The following FBXO11 variants were observed in gnomAD, a reference collection of about 807,000 sequenced individuals.
FBXO11 encodes F-box only protein 11.
FBXO11 carries 13 observed loss-of-function variants against 117.0 expected under a neutral mutation model. That is an observed-to-expected ratio of 0.11 (90% confidence interval 0.07 to 0.18). The LOEUF (loss-of-function observed/expected upper bound fraction) is 0.18. Among genes scored for constraint, FBXO11 ranks in the 10% least tolerant of loss-of-function variants. The pLI is 1.00. For synonymous variants in FBXO11, 490 were observed against 380.5 expected (o/e 1.29, Z -3.35); for missense variants, 767 against 1,164.4 (o/e 0.66, Z 4.97).
At position 47,883,368 on chromosome 2, in the gene FBXO11, C is replaced by A. The variant is rs541674549; in HGVS notation, c.232+22121G>T. The stretch of plus-strand genomic sequence containing the variant: ...GAGTGTGTGCTCTTCTGCTGCCCTG[C>A]GACCAGTGCCCTGTGCATTGCCTTC... On this transcript the variant is annotated intron_variant, in intron 1 of 22. Coordinates refer to ENST00000403359, the MANE Select transcript of FBXO11 (RefSeq NM_001190274.2). The A allele has an allele frequency of 6.4e-5, 15 of 235,164 alleles. No individual in the cohort carries two copies. The South Asian group carries it at 7.6e-4, about 12-fold the overall frequency. The allele number at this position is 235,164 out of a possible 1,614,324, so 14.6% of individuals were successfully genotyped here.
chr2:47,815,722 G>C (rs1251577855), intron 16 of FBXO11, among the ~76,000 whole-genome samples: 7 of 152,202 alleles, frequency 4.6e-5, no homozygotes, highest in Admixed American at 4.6e-4. Flanking sequence ...AATTCATAGA[G>C]TTCTTCAGCT....
Position 47,834,887 on chromosome 2 carries a change from CA to C in FBXO11, c.718-17del. On this transcript the variant is annotated splice_polypyrimidine_tract_variant and intron_variant, in intron 5 of 22. Transcript: ENST00000403359. ...CACCTTTATACTAAAATGTCAAAAACAAAACAAAACCATTGACTACTAACAT... is the reference window on the plus strand; with the variant it reads ...CACCTTTATACTAAAATGTCAAAAACAAACAAAACCATTGACTACTAACAT... 6.3e-7 allele frequency: 1 copy of C among 1,584,420 alleles called. No homozygotes were observed. The highest frequency in any genetic ancestry group is 1.4e-5 in the African/African-American group (1 of 73,970).
At chr2:47,840,707 G>C (rs942497149) in intron 1 of FBXO11, among the ~76,000 whole-genome samples, 1 of 151,452 alleles carries the variant, frequency 6.6e-6, no homozygotes, top group African/African-American at 2.4e-5. Context: ...TCCCACCTTG[G>C]CCTCCAAAGT....
At chr2:47,814,191 G>A (rs751462036) in intron 16 of FBXO11, 6 of 236,698 alleles carry the variant, frequency 2.5e-5, no homozygotes, top group Admixed American at 5.1e-5. Flanking sequence ...TGCAGGTTCC[G>A]TTCCAGACCA....
intron 1 of FBXO11, among the ~76,000 whole-genome samples, chr2:47,897,453 T>G (rs1206880434): frequency 1.3e-5 from 2 of 152,056 alleles, no homozygotes. Context: ...TCCCAGCATT[T>G]TGGGAGGCTT....
intron 1 of FBXO11, among the ~76,000 whole-genome samples, chr2:47,880,211 G>A (rs895129928): frequency 2.6e-5 from 4 of 152,032 alleles, no homozygotes; most frequent in Non-Finnish European, 5.9e-5. Context: ...CTGCCAGGCT[G>A]GTCTCAAACT....
chr2:47,857,821 C>T (rs1056337267), intron 1 of FBXO11, among the ~76,000 whole-genome samples: 3 of 152,126 alleles, frequency 2.0e-5, no homozygotes, highest in African/African-American at 7.2e-5. Flanking sequence ...TTTAGGCAAG[C>T]CTGTTTCTTA....
At chr2:47,859,835 C>A (rs1251569218) in intron 1 of FBXO11, among the ~76,000 whole-genome samples, 1 of 152,102 alleles carries the variant, frequency 6.6e-6, no homozygotes, top group African/African-American at 2.4e-5. Context: ...ATGAAATAGT[C>A]TATTTTTTTG....
At chr2:47,883,718 A>G (rs2103923586) in intron 1 of FBXO11, 2 of 267,208 alleles carry the variant, frequency 7.5e-6, no homozygotes, top group South Asian at 8.8e-5. Flanking sequence ...CCCAAGAAGA[A>G]TAAGCACGAG....
chr2:47,876,636 T>C (rs1025816551), intron 1 of FBXO11, among the ~76,000 whole-genome samples: 13 of 152,262 alleles, frequency 8.5e-5, no homozygotes, highest in Non-Finnish European at 1.2e-4. Flanking sequence ...AATATTTTAG[T>C]GTAGGGACTG....
intron 11 of FBXO11, 94 bp from the exon 12 acceptor site, chr2:47,823,454 A>C: frequency 1.1e-6 from 1 of 941,538 alleles, no homozygotes; most frequent in Non-Finnish European, 1.6e-6. Context: ...TCTAAAAATT[A>C]AGTATTAGAA....
At chr2:47,809,037 A>G in intron 21 of FBXO11, 121 bp downstream of exon 21, 1 of 605,046 alleles carries the variant, frequency 1.7e-6, no homozygotes, top group South Asian at 2.1e-5. Context: ...TAGATTGATG[A>G]TAAAATTTTC....
intron 1 of FBXO11, among the ~76,000 whole-genome samples, chr2:47,883,141 A>G (rs1391378894): frequency 6.6e-6 from 1 of 152,196 alleles, no homozygotes; most frequent in African/African-American, 2.4e-5. Context: ...TCTGTTCTGT[A>G]GCAACACTTC....
chr2:47,888,752 C>G (rs1196505981), intron 1 of FBXO11: 1 of 603,704 alleles, frequency 1.7e-6, no homozygotes, highest in Non-Finnish European at 2.1e-6. Flanking sequence ...ACCCAAGCAC[C>G]CAAACCACAC....
intron 1 of FBXO11, among the ~76,000 whole-genome samples, chr2:47,840,273 G>T (rs149696664): frequency 6.6e-6 from 1 of 151,966 alleles, no homozygotes; most frequent in Non-Finnish European, 1.5e-5. Context: ...AAAAGGTGAG[G>T]AGGATATCCA....
Position 47,813,149 on chromosome 2 carries a change from T to C in FBXO11, c.2227+85A>G, listed in dbSNP as rs776523721. On this transcript the variant is annotated intron_variant, in intron 18 of 22. Transcript: ENST00000403359. ...ACTTGAGATTCACTCATTTATAACT[T>C]AGTTAGCAATGTCATTGATCATTAA... is the stretch of plus-strand genomic sequence containing the variant. 4 of 1,313,202 alleles carry C rather than the reference T, an allele frequency of 3.0e-6. No homozygotes were observed. In the East Asian group the frequency reaches 9.3e-5, roughly 30 times the overall value. The allele number at this position is 1,313,202 out of a possible 1,614,324, so 81.3% of individuals were successfully genotyped here.
At position 47,864,982 on chromosome 2, in the gene FBXO11, G is replaced by A. The variant is rs182774414; in HGVS notation, c.233-25213C>T. On this transcript the variant is annotated intron_variant, in intron 1 of 22. Transcript: ENST00000403359. ...ACGTGTACAAACAAAACACCTGGGC[G>A]CTTGTTAGTTTAAACCTATTTATAG... Among the ~76,000 whole-genome samples the A allele has an allele frequency of 2.4e-4, 37 of 152,238 alleles. No homozygotes were observed. The East Asian group carries it at 2.9e-3, about 12-fold the overall frequency.
At chr2:47,891,038 A>G (rs1016791416) in intron 1 of FBXO11, among the ~76,000 whole-genome samples, 2 of 151,276 alleles carry the variant, frequency 1.3e-5, no homozygotes, top group South Asian at 4.2e-4. Context: ...TGCTCAGACT[A>G]GTATCAAACT....
chr2:47,884,027 C>G (rs1676631036), intron 1 of FBXO11: 1 of 152,424 alleles, frequency 6.6e-6, no homozygotes, highest in South Asian at 2.1e-4. Context: ...TTGGACCAGC[C>G]TGGCCAACGT....
Sources: allele counts gnomAD v4.1 joint callset (sites outside exome capture counted in the v4.1 genomes callset), GRCh38; gene constraint gnomAD v4.1.1; transcripts MANE v1.5; gene names NCBI Gene and HGNC (gene_info 2026-07-23, HGNC 2026-07-21).